The following SBF2 variants were observed in gnomAD, a reference collection of about 807,000 sequenced individuals.
SBF2 encodes SET binding factor 2, also known as myotubularin-related protein 13.
Under a neutral mutation model 225.2 loss-of-function variants are expected in SBF2, and 112 were observed. The ratio of observed to expected loss-of-function variants is 0.50; its 90% CI spans 0.43 to 0.58. The LOEUF (loss-of-function observed/expected upper bound fraction) is 0.58, where lower values mean the gene tolerates loss of function less well. Ranked by LOEUF, SBF2 falls within the 20% of genes least tolerant of loss-of-function variation. The pLI is 0.00. For synonymous variants in SBF2, 763 were observed against 773.3 expected, an observed-to-expected ratio of 0.99 and a Z score of 0.22; for missense variants, 1,996 against 2,206.2, an observed-to-expected ratio of 0.90 and a Z score of 1.91.
At chr11:10,274,239 C>T (rs373081708) in intron 1 of SBF2, among the ~76,000 whole-genome samples, 8 of 152,162 alleles carry the variant, frequency 5.3e-5, no homozygotes, top group African/African-American at 9.7e-5. Context: ...GCGCTCCTTC[C>T]GCTGTCAACC....
chr11:10,248,195 G>T (rs74847924), intron 1 of SBF2, among the ~76,000 whole-genome samples: 7,633 of 152,204 alleles, frequency 0.05, 276 homozygotes, highest in East Asian at 0.13. Flanking sequence ...TATATGAAAG[G>T]ATCTTGTATA....
At chr11:10,285,448 G>C (rs1963693619) in intron 1 of SBF2, among the ~76,000 whole-genome samples, 1 of 151,922 alleles carries the variant, frequency 6.6e-6, no homozygotes, top group South Asian at 2.1e-4. Context: ...CTGGTGGCAG[G>C]GAACCTAAGG....
Position 9,817,043 on chromosome 11 carries a change from C to A in SBF2, c.3794-19G>T. 6.2e-7 allele frequency: 1 copy of A among 1,613,406 alleles called. No homozygotes were observed. The highest frequency in any genetic ancestry group is 1.1e-5 in the South Asian group (1 of 90,994). On this transcript the variant is annotated intron_variant, in intron 28 of 39. Transcript: ENST00000256190. ...CACACACCTTCACAAAAGCCAAAGT[C>A]GTGGAGTGAGATAATCTAATGTGGG... is the stretch of plus-strand genomic sequence containing the variant.
At chr11:10,275,968 T>A (rs1565426444) in intron 1 of SBF2, among the ~76,000 whole-genome samples, 2 of 152,098 alleles carry the variant, frequency 1.3e-5, no homozygotes, top group Non-Finnish European at 2.9e-5. Context: ...TTCTCTGGAG[T>A]TGTAATCATA....
chr11:9,898,135 T>C (rs1861422821), intron 16 of SBF2, among the ~76,000 whole-genome samples: 1 of 151,200 alleles, frequency 6.6e-6, no homozygotes, highest in East Asian at 1.9e-4. Flanking sequence ...AATCTTTGCC[T>C]ATTTCAAACT....
Position 10,286,166 on chromosome 11 carries a change from G to GCGCACACA in SBF2, c.55+7848_55+7849insTGTGTGCG, listed in dbSNP as rs373771420. Among the ~76,000 whole-genome samples the GCGCACACA allele has an allele frequency of 9.5e-3, 1,407 of 147,344 alleles. 12 individuals are homozygous for GCGCACACA. Among genetic ancestry groups the GCGCACACA allele is most frequent in the South Asian group, 0.014 (63 of 4,596 alleles). ...AATTTCTTCACATAAACACGCACAC[G>GCGCACACA]CACACACACACACACACACACACAC... On this transcript the variant is annotated intron_variant, in intron 1 of 39. Transcript: ENST00000256190.
chr11:10,077,602 G>A (rs7939096), intron 2 of SBF2, among the ~76,000 whole-genome samples: 15,698 of 152,198 alleles, frequency 0.1, 977 homozygotes, highest in Non-Finnish European at 0.12. Context: ...AGCTGAAACT[G>A]GATCCCTTCC....
chr11:9,838,583 G>A (rs1212129296), intron 26 of SBF2: 3 of 152,144 alleles, frequency 2.0e-5, no homozygotes, highest in Non-Finnish European at 2.9e-5. Flanking sequence ...ACTTGTTTCT[G>A]AAGTTTCATA....
chr11:9,951,518 G>C (rs1047631562), intron 16 of SBF2, among the ~76,000 whole-genome samples: 1 of 152,160 alleles, frequency 6.6e-6, no homozygotes, highest in Non-Finnish European at 1.5e-5. Flanking sequence ...GAGAATTTTA[G>C]ACTGAGAGAA....
At chr11:10,147,532 A>G (rs1315039490) in intron 2 of SBF2, among the ~76,000 whole-genome samples, 2 of 152,140 alleles carry the variant, frequency 1.3e-5, no homozygotes, top group Non-Finnish European at 2.9e-5. Flanking sequence ...CTATGGGCAA[A>G]AAGAGGGCAA....
rs544970801 is a variant in SBF2, at chr11:9,887,079, C to T, written c.1929+8864G>A. 3.3e-5 allele frequency among the ~76,000 whole-genome samples: 5 copies of T among 151,722 alleles called. No homozygotes were observed. In the South Asian group the frequency reaches 1.0e-3, roughly 32 times the overall value. ...ACAAAGAAATAGTCTTAGTAGGCTG[C>T]CTCATTTTTCTGAAGAATGAACAAA... is the stretch of plus-strand genomic sequence containing the variant. On this transcript the variant is annotated intron_variant, in intron 17 of 39. Transcript: ENST00000256190.
intron 37 of SBF2, among the ~76,000 whole-genome samples, 163 bp from the exon 38 acceptor site, chr11:9,784,601 G>A (rs1414659705): frequency 6.6e-6 from 1 of 152,194 alleles, no homozygotes; most frequent in African/African-American, 2.4e-5. Context: ...GACCTCTGGG[G>A]AAAGACTGCT....
chr11:10,081,759 C>CAAAAAAAAAAA (rs59208091), intron 2 of SBF2, among the ~76,000 whole-genome samples: 1 of 120,542 alleles, frequency 8.3e-6, no homozygotes. Flanking sequence ...GACTCCACCT[C>CAAAAAAAAAAA]AAAAAAAAAA....
chr11:10,196,225 T>G (rs1157574674), intron 1 of SBF2, among the ~76,000 whole-genome samples: 3 of 152,190 alleles, frequency 2.0e-5, no homozygotes, highest in African/African-American at 4.8e-5. Context: ...TTTAATAAAT[T>G]CATTGGTACT....
At chr11:10,223,402 TATATATA>T (rs1958416073) in intron 1 of SBF2, among the ~76,000 whole-genome samples, 2 of 58,390 alleles carry the variant, frequency 3.4e-5, no homozygotes, top group African/African-American at 2.3e-4. Context: ...TTGCACATTA[TATATATA>T]TATATATATA....
intron 2 of SBF2, among the ~76,000 whole-genome samples, chr11:10,090,390 G>C (rs189836704): frequency 6.6e-6 from 1 of 152,092 alleles, no homozygotes; most frequent in Non-Finnish European, 1.5e-5. Flanking sequence ...GAGTTGACAG[G>C]TCTCACCCAA....
chr11:9,784,409 C>G lies in SBF2; in HGVS notation c.5261G>C (p.Gly1754Ala). ...RSFEGTLYKR[G>A]ALLKGWKPRW... The stretch of plus-strand genomic sequence containing the variant: ...GGGCTTCCAACCTTTCAGCAAAGCC[C>G]CTCTTTTATAAAGTGTTCCCTCAAA... Residue 1754 changes from glycine (G) to alanine (A), a missense_variant, in exon 38 of 40, where the codon GGG becomes GCG. Physicochemically the swap from Gly to Ala is moderately conservative, Grantham distance 60. Coordinates refer to ENST00000256190, the MANE Select transcript of SBF2 (RefSeq NM_030962.4). 1 of 1,614,094 alleles carries G rather than the reference C, an allele frequency of 6.2e-7. No individual in the cohort carries two copies. Among genetic ancestry groups the G allele is most frequent in the African/African-American group, 1.3e-5 (1 of 75,052 alleles).
rs1475866303 is a variant in SBF2 at position 9,895,959 on chromosome 11, G to C, written c.1913C>G (p.Thr638Ser). Residue 638 changes from threonine (T) to serine (S), a missense_variant, in exon 17 of 40, where the codon ACC (threonine) becomes AGC (serine). Physicochemically the swap from Thr to Ser is moderately conservative, Grantham distance 58. Coordinates refer to ENST00000256190, the MANE Select transcript of SBF2 (RefSeq NM_030962.4). The stretch of plus-strand genomic sequence containing the variant: ...GAAACTTACCCTATAGAAAGCACTG[G>C]TCAAAGGGAGTAATGCTGCGGCAAT... ...YNIAAALLPL[T>S]SAFYRKLAPG... 1 of 1,612,204 alleles carries C rather than the reference G, an allele frequency of 6.2e-7. No individual in the cohort carries two copies. The highest frequency in any genetic ancestry group is 8.5e-7 in the Non-Finnish European group (1 of 1,178,592).
chr11:10,294,641 T>C (rs1178241006), upstream of SBF2, among the ~76,000 whole-genome samples: 1 of 152,244 alleles, frequency 6.6e-6, no homozygotes, highest in African/African-American at 2.4e-5. Flanking sequence ...TTGCTGCACG[T>C]TTCCTGTTTA....
Sources: gnomAD v4.1 joint callset for allele counts (sites outside exome capture counted in the v4.1 genomes callset) on GRCh38, gnomAD v4.1.1 for gene constraint, MANE v1.5 for transcripts, NCBI Gene and HGNC (gene_info 2026-07-23, HGNC 2026-07-21) for gene names.